The following LINS1 variants were observed in gnomAD, a reference collection of about 807,000 sequenced individuals.
LINS1 encodes lines homolog 1.
LINS1 carries 27 observed loss-of-function variants against 41.6 expected under a neutral mutation model. That is an observed-to-expected ratio of 0.65 (90% CI 0.48 to 0.89). LINS1 has a LOEUF of 0.89. LINS1 is among the 40% of genes least tolerant of loss of function. The pLI is 0.00. For missense variants in LINS1, 955 were observed against 884.1 expected (o/e 1.08, Z -1.02); for synonymous variants, 336 against 312.9 (o/e 1.07, Z -0.78).
intron 1 of LINS1, among the ~76,000 whole-genome samples, chr15:100,590,884 TAAC>T: frequency 6.6e-6 from 1 of 152,280 alleles, no homozygotes; most frequent in Admixed American, 6.5e-5. Context: ...CCAATAGTCA[TAAC>T]AATAGTCTCG....
At chr15:100,584,724 G>A (rs1016393224) in intron 1 of LINS1, among the ~76,000 whole-genome samples, 12 of 152,198 alleles carry the variant, frequency 7.9e-5, no homozygotes, top group East Asian at 3.9e-4. Context: ...TGACCTGGGC[G>A]TCCTCCAATT....
intron 5 of LINS1, chr15:100,572,596 G>T: frequency 1.0e-6 from 1 of 991,642 alleles, no homozygotes; most frequent in Non-Finnish European, 1.2e-6. Context: ...GCCATCTAGT[G>T]TTATAAATTA....
intron 3 of LINS1, 26 bp downstream of exon 3, chr15:100,580,237 T>C: frequency 1.3e-6 from 2 of 1,482,542 alleles, no homozygotes; most frequent in Non-Finnish European, 1.9e-6. Flanking sequence ...AGAGAAATAA[T>C]AACATACTTT....
Position 100,567,604 on chromosome 15 carries a change from T to C in LINS1, c.*1634A>G, listed in dbSNP as rs550776433. The C allele has an allele frequency of 2.2e-4, 34 of 152,332 alleles. No homozygotes were observed. Among genetic ancestry groups the C allele is most frequent in the Admixed American group, 2.2e-3 (33 of 15,312 alleles). The allele number at this position is 152,332 out of a possible 1,614,324, so 9.4% of individuals were successfully genotyped here. On this transcript the variant is annotated 3_prime_UTR_variant, in exon 7 of 7. Coordinates refer to ENST00000314742, the MANE Select transcript of LINS1 (RefSeq NM_001040616.3). ...GCATAGAACGCATCTACCATTCCAC[T>C]GACTATACAAATTCTGACTTACTTT...
At position 100,574,080 on chromosome 15, in the gene LINS1, GGA is replaced by G; in HGVS notation, c.791_792del (p.Ile264ThrfsTer32). 1 of 1,614,164 alleles carries G rather than the reference GGA, an allele frequency of 6.2e-7. No individual in the cohort carries two copies. The highest frequency in any genetic ancestry group is 8.5e-7 in the Non-Finnish European group (1 of 1,180,014). On this transcript the variant is annotated frameshift_variant, in exon 5 of 7. Coordinates refer to ENST00000314742, the MANE Select transcript of LINS1 (RefSeq NM_001040616.3). LOFTEE classifies it high-confidence loss of function. ...DLLELLIASR[I>X]HLKLHFTCQR... ...TGGCAAGTGAAATGTAACTTCAGGTGGATTCTGGAGGCGATGAGAAGCTCAAG... is the reference window on the plus strand; with the variant it reads ...TGGCAAGTGAAATGTAACTTCAGGTGTTCTGGAGGCGATGAGAAGCTCAAG...
In LINS1 at chr15:100,569,414, T is replaced by C. The variant is rs765090611; in HGVS notation, c.2098A>G (p.Asn700Asp). The C allele has an allele frequency of 2.1e-5, 34 of 1,614,048 alleles. No individual in the cohort carries two copies. The highest frequency in any genetic ancestry group is 2.7e-5 in the Non-Finnish European group (32 of 1,180,044). The part of the protein sequence containing the change: ...AFSFDCEVAP[N>D]DVVSEVGIFY... ...ATTCCCACTTCAGAGACGACATCATTTGGGGCTACTTCACAATCAAAGGAG... is the reference window on the plus strand; with the variant it reads ...ATTCCCACTTCAGAGACGACATCATCTGGGGCTACTTCACAATCAAAGGAG... The change falls in exon 7 of 7, where the codon AAT becomes GAT. Residue 700 changes from asparagine (N) to aspartate (D), a missense_variant. Asn to Asp is a conservative substitution (Grantham distance 23, BLOSUM62 1). Coordinates refer to ENST00000314742, the MANE Select transcript of LINS1 (RefSeq NM_001040616.3).
At chr15:100,573,495 C>CTTT (rs34816737) in intron 5 of LINS1, 156 bp downstream of exon 5, 196 of 612,704 alleles carry the variant, frequency 3.2e-4, no homozygotes, top group South Asian at 8.7e-4. Context: ...AAATCCAGTT[C>CTTT]TTTTTTTTTT....
At chr15:100,589,979 T>TG (rs1315932581) in intron 1 of LINS1, among the ~76,000 whole-genome samples, 1 of 152,196 alleles carries the variant, frequency 6.6e-6, no homozygotes, top group Non-Finnish European at 1.5e-5. Context: ...AGATTGTCCT[T>TG]GCCATCCACA....
In LINS1 at chr15:100,568,326, G is replaced by C. The variant is rs961777127; in HGVS notation, c.*912C>G. The C allele has an allele frequency of 6.6e-6, 1 of 152,230 alleles. No homozygotes were observed. Among genetic ancestry groups the C allele is most frequent in the Non-Finnish European group, 1.5e-5 (1 of 68,052 alleles). 9.4% of individuals were successfully genotyped at this position (152,230 alleles called of 1,614,324 possible). On this transcript the variant is annotated 3_prime_UTR_variant, in exon 7 of 7. Coordinates refer to ENST00000314742, the MANE Select transcript of LINS1 (RefSeq NM_001040616.3). ...GGATTCAAGTCCATCAAGGACACATGAAAGTGGCCATATCTGGGATTAGGG... is the reference window on the plus strand; with the variant it reads ...GGATTCAAGTCCATCAAGGACACATCAAAGTGGCCATATCTGGGATTAGGG...
chr15:100,578,472 G>C (rs1229378843), intron 3 of LINS1, among the ~76,000 whole-genome samples: 1 of 151,386 alleles, frequency 6.6e-6, no homozygotes, highest in African/African-American at 2.4e-5. Flanking sequence ...AAACCACAGT[G>C]AGATACCATC....
Position 100,580,319 on chromosome 15 carries a change from A to C in LINS1, c.433T>G (p.Ser145Ala). ...GCAAGGCACTGTGCAGCCATGTGAG[A>C]TAACAATTTATCTGAATTTTGGAAC... ...CMFQNSDKLL[S>A]HMAAQCLALL... Residue 145 changes from serine to alanine, a missense_variant, in exon 3 of 7, where the codon TCT becomes GCT. By Grantham distance (99) the Ser-to-Ala change is moderately conservative. Transcript: ENST00000314742. 6.2e-7 allele frequency: 1 copy of C among 1,613,182 alleles called. No individual in the cohort carries two copies.
intron 3 of LINS1, among the ~76,000 whole-genome samples, chr15:100,577,816 C>T (rs1224781044): frequency 6.6e-6 from 1 of 152,100 alleles, no homozygotes; most frequent in Non-Finnish European, 1.5e-5. Flanking sequence ...GTACTCGTAC[C>T]AAAACAGAGA....
At chr15:100,572,881 G>T in intron 5 of LINS1, 2 of 734,378 alleles carry the variant, frequency 2.7e-6, no homozygotes, top group Non-Finnish European at 3.3e-6. Context: ...ATCTACATTA[G>T]TGGAAACACT....
At chr15:100,578,751 A>G (rs28806803) in intron 3 of LINS1, among the ~76,000 whole-genome samples, 24,809 of 152,058 alleles carry the variant, frequency 0.16, 2,316 homozygotes, top group South Asian at 0.21. Flanking sequence ...CACTACTCAC[A>G]ATAGCAAAGA....
Position 100,575,124 on chromosome 15 carries a change from G to A in LINS1, c.494C>T (p.Thr165Ile). 6.2e-7 allele frequency: 1 copy of A among 1,610,454 alleles called. No homozygotes were observed. Among genetic ancestry groups the A allele is most frequent in the South Asian group, 1.1e-5 (1 of 91,016 alleles). ...LLYFQLREKI[T>I]LSNSWIAFCQ... is the part of the protein sequence containing the mutation. ...AAAAGCAATCCAGGAATTACTTAAGGTTATCTACAAGTGAGAAAATAAAGC... is the reference window on the plus strand; with the variant it reads ...AAAAGCAATCCAGGAATTACTTAAGATTATCTACAAGTGAGAAAATAAAGC... The change falls in exon 4 of 7, where the codon ACC (threonine) becomes ATC (isoleucine). Residue 165 changes from threonine to isoleucine, a missense_variant. Thr to Ile is a moderately conservative substitution (Grantham distance 89, BLOSUM62 -1). Transcript: ENST00000314742.
At position 100,567,786 on chromosome 15, in the gene LINS1, C is replaced by CCTTTGCATTGCTATTTGGCTAACACTGTA. The variant is rs2037609484; in HGVS notation, c.*1451_*1452insTACAGTGTTAGCCAAATAGCAATGCAAAG. On this transcript the variant is annotated 3_prime_UTR_variant, in exon 7 of 7. Coordinates refer to ENST00000314742, the MANE Select transcript of LINS1 (RefSeq NM_001040616.3). The stretch of plus-strand genomic sequence containing the variant: ...GCATGTTAAAACGCAAACCTTTTGA[C>CCTTTGCATTGCTATTTGGCTAACACTGTA]CTTTGCATTGCTATTTGGCTAACAC... 6.6e-6 allele frequency: 1 copy of CCTTTGCATTGCTATTTGGCTAACACTGTA among 152,192 alleles called. No homozygotes were observed. Among genetic ancestry groups the CCTTTGCATTGCTATTTGGCTAACACTGTA allele is most frequent in the African/African-American group, 2.4e-5 (1 of 41,448 alleles). The allele number at this position is 152,192 out of a possible 1,614,324, so 9.4% of individuals were successfully genotyped here. A position where few individuals can be genotyped will look rare whatever the true frequency, so the allele number is the denominator to read the frequency against.
At position 100,574,178 on chromosome 15, in the gene LINS1, A is replaced by G. The variant is rs745356158; in HGVS notation, c.695T>C (p.Phe232Ser). The G allele has an allele frequency of 1.2e-6, 2 of 1,613,838 alleles. No homozygotes were observed. The highest frequency in any genetic ancestry group is 1.7e-6 in the Non-Finnish European group (2 of 1,179,744). Residue 232 changes from phenylalanine (F) to serine (S), a missense_variant, in exon 5 of 7, where the codon TTC becomes TCC. Coordinates refer to ENST00000314742, the MANE Select transcript of LINS1 (RefSeq NM_001040616.3). ...CCGGCAGTTTTCAAAATGCTGAGAG[A>G]ATAAGGAATTGTAAAACACTTCAAA... is the stretch of plus-strand genomic sequence containing the variant. ...TIFEVFYNSL[F>S]SQHFENCRDT...
chr15:100,597,503 C>A (rs2141364251), intron 1 of LINS1, among the ~76,000 whole-genome samples: 1 of 152,324 alleles, frequency 6.6e-6, no homozygotes, highest in South Asian at 2.1e-4. Flanking sequence ...AACCACTGCA[C>A]AATCTACTTG....
In LINS1 at chr15:100,573,650, C is replaced by T. The variant is rs1163001187; in HGVS notation, c.1222+1G>A. 1 of 1,546,210 alleles carries T rather than the reference C, an allele frequency of 6.5e-7. No homozygotes were observed. Among genetic ancestry groups the T allele is most frequent in the Non-Finnish European group, 8.9e-7 (1 of 1,120,620 alleles). On this transcript the variant is annotated splice_donor_variant, in intron 5 of 6. Coordinates refer to ENST00000314742, the MANE Select transcript of LINS1 (RefSeq NM_001040616.3). LOFTEE classifies it high-confidence loss of function. ...CATACAAAAGGAGTTTGGAGAATTA[C>T]CTTTCACTTCACTTGCTGAAGAATA...
Sources: allele counts gnomAD v4.1 joint callset (sites outside exome capture counted in the v4.1 genomes callset), GRCh38; gene constraint gnomAD v4.1.1; transcripts MANE v1.5; gene names NCBI Gene and HGNC (gene_info 2026-07-23, HGNC 2026-07-21).